Variants in SDK1 observed in about 807,000 individuals in gnomAD.
SDK1 encodes the protein sidekick cell adhesion molecule 1.
SDK1 carries 157 observed loss-of-function variants against 245.5 expected under a neutral mutation model. The ratio of observed to expected loss-of-function variants is 0.64; its 90% CI spans 0.56 to 0.73. The LOEUF (loss-of-function observed/expected upper bound fraction) is 0.73, where lower values mean the gene tolerates loss of function less well. SDK1 is among the 30% of genes least tolerant of loss of function. The pLI is 0.00. For missense variants in SDK1, 3,583 were observed against 3,002.3 expected, an observed-to-expected ratio of 1.19 and a Z score of -4.52; for synonymous variants, 1,647 against 1,278.5, an observed-to-expected ratio of 1.29 and a Z score of -6.15.
At chr7:3,812,617 A>G (rs948824514) in intron 4 of SDK1, among the ~76,000 whole-genome samples, 7 of 152,250 alleles carry the variant, frequency 4.6e-5, no homozygotes, top group Non-Finnish European at 1.5e-5. Flanking sequence ...TTTTCAAGGC[A>G]TGGGCCATTA....
chr7:3,937,094 G>A (rs919973265), intron 5 of SDK1, among the ~76,000 whole-genome samples: 1 of 152,152 alleles, frequency 6.6e-6, no homozygotes, highest in African/African-American at 2.4e-5. Flanking sequence ...TGCCCCAGGA[G>A]CACGGCAGTT....
intron 2 of SDK1, among the ~76,000 whole-genome samples, chr7:3,638,392 C>A (rs183863871): frequency 2.0e-5 from 3 of 152,036 alleles, no homozygotes; most frequent in Admixed American, 6.6e-5. Flanking sequence ...CCCAAATGTC[C>A]CACAGTGATA....
Position 3,584,273 on chromosome 7 carries a change from A to C in SDK1, c.299-34807A>C, listed in dbSNP as rs554920026. Among the ~76,000 whole-genome samples the C allele has an allele frequency of 2.0e-5, 3 of 152,216 alleles. No homozygotes were observed. In the East Asian group the frequency reaches 5.8e-4, roughly 29 times the overall value. ...CCAAACGTATTTGACCATGAGATCT[A>C]TTTGAATACAAACCTAATGCACCTC... On this transcript the variant is annotated intron_variant, in intron 1 of 44. Coordinates refer to ENST00000404826, the MANE Select transcript of SDK1 (RefSeq NM_152744.4).
At chr7:3,960,769 A>G (rs1781614562) in intron 8 of SDK1, among the ~76,000 whole-genome samples, 1 of 152,216 alleles carries the variant, frequency 6.6e-6, no homozygotes, top group South Asian at 2.1e-4. Context: ...GTGTGAGAGA[A>G]GAGTAAGACG....
At chr7:3,757,960 C>G (rs1048802919) in intron 4 of SDK1, among the ~76,000 whole-genome samples, 1 of 152,116 alleles carries the variant, frequency 6.6e-6, no homozygotes, top group African/African-American at 2.4e-5. Context: ...TCCTATAACC[C>G]TTATCACTCA....
chr7:3,926,394 T>C (rs1038451014), intron 5 of SDK1, among the ~76,000 whole-genome samples: 9 of 152,346 alleles, frequency 5.9e-5, no homozygotes, highest in African/African-American at 2.2e-4. Flanking sequence ...TATCAGCTGT[T>C]ACATTTGTTT....
chr7:4,023,230 C>T (rs777542290), intron 17 of SDK1, among the ~76,000 whole-genome samples: 3 of 152,050 alleles, frequency 2.0e-5, no homozygotes, highest in Non-Finnish European at 2.9e-5. Flanking sequence ...TTTTCTTATC[C>T]CCCTTCATCC....
rs111640354 is a variant in SDK1 at position 4,129,674 on chromosome 7, C to T, written c.3940-234C>T. On this transcript the variant is annotated intron_variant, in intron 26 of 44. Transcript: ENST00000404826. ...GCAGATTATGACCAGGCAGCAGGCT[C>T]GCCAAGCCGTGGGCACTAACTCAAG... 6,101 of 1,385,388 alleles carry T rather than the reference C, an allele frequency of 4.4e-3. 214 individuals are homozygous for T. The African/African-American group carries it at 0.078, about 18-fold the overall frequency. 85.8% of individuals were successfully genotyped at this position (1,385,388 alleles called of 1,614,324 possible). A position where few individuals can be genotyped will look rare whatever the true frequency, so the allele number is the denominator to read the frequency against.
chr7:3,382,826 A>G (rs1781520147), intron 1 of SDK1, among the ~76,000 whole-genome samples: 1 of 152,188 alleles, frequency 6.6e-6, no homozygotes, highest in Non-Finnish European at 1.5e-5. Context: ...ATTGAGTGGT[A>G]GTCCCCCAAG....
chr7:4,257,448 A>T (rs1005731784), intron 44 of SDK1, among the ~76,000 whole-genome samples: 1 of 152,202 alleles, frequency 6.6e-6, no homozygotes, highest in African/African-American at 2.4e-5. Flanking sequence ...ACTAAAATAC[A>T]TCCCCATTAA....
At chr7:3,320,870 G>C (rs1166537581) in intron 1 of SDK1, among the ~76,000 whole-genome samples, 1 of 151,276 alleles carries the variant, frequency 6.6e-6, no homozygotes, top group South Asian at 2.1e-4. Flanking sequence ...AAATTAGTAT[G>C]TTGGTACTGT....
In SDK1 at chr7:3,439,422, A is replaced by G. The variant is rs115621214; in HGVS notation, c.298+137538A>G. On this transcript the variant is annotated intron_variant, in intron 1 of 44. Coordinates refer to ENST00000404826, the MANE Select transcript of SDK1 (RefSeq NM_152744.4). Reference sequence around the variant, plus strand: ...TGCGCTCCTTACAAGCCTCTAGAGCACTAGTGAAGAGTAATGTTAGATTGT... The same window carrying G: ...TGCGCTCCTTACAAGCCTCTAGAGCGCTAGTGAAGAGTAATGTTAGATTGT... 2.4e-3 allele frequency among the ~76,000 whole-genome samples: 367 copies of G among 152,264 alleles called. 2 individuals are homozygous for G. The highest frequency in any genetic ancestry group is 8.3e-3 in the African/African-American group (345 of 41,548).
chr7:3,461,983 A>G (rs537983541), intron 1 of SDK1, among the ~76,000 whole-genome samples: 13 of 152,270 alleles, frequency 8.5e-5, no homozygotes, highest in African/African-American at 3.1e-4. Flanking sequence ...ATTAAAAAAG[A>G]ACCACGACCT....
intron 40 of SDK1, among the ~76,000 whole-genome samples, chr7:4,228,854 C>T (rs374726623): frequency 3.9e-5 from 6 of 152,270 alleles, no homozygotes; most frequent in East Asian, 1.9e-4. Context: ...TTTCCTACAA[C>T]GGCAACACAG....
At chr7:3,387,665 A>G (rs758016025) in intron 1 of SDK1, among the ~76,000 whole-genome samples, 1 of 152,202 alleles carries the variant, frequency 6.6e-6, no homozygotes, top group Non-Finnish European at 1.5e-5. Flanking sequence ...TGATTACACA[A>G]CGATGTGAAT....
chr7:3,565,646 A>G (rs1779888876), intron 1 of SDK1, among the ~76,000 whole-genome samples: 1 of 152,206 alleles, frequency 6.6e-6, no homozygotes. Flanking sequence ...CTCAGATACC[A>G]CAATTCACAG....
At chr7:4,193,730 A>ACT (rs781130973) in intron 35 of SDK1, among the ~76,000 whole-genome samples, 4 of 151,730 alleles carry the variant, frequency 2.6e-5, no homozygotes, top group Non-Finnish European at 2.9e-5. Flanking sequence ...AGGAGTGAAG[A>ACT]CTCTCACTCA....
At position 3,951,656 on chromosome 7, in the gene SDK1, G is replaced by A. The variant is rs543678970; in HGVS notation, c.960-74G>A. The A allele has an allele frequency of 5.5e-5, 75 of 1,369,660 alleles. No homozygotes were observed. In the East Asian group the frequency reaches 1.1e-3, roughly 19 times the overall value. The allele number at this position is 1,369,660 out of a possible 1,614,324, so 84.8% of individuals were successfully genotyped here. The stretch of plus-strand genomic sequence containing the variant: ...GCATTAGCTTCGTCAAGCCTGTGCC[G>A]AGTGCCTGAGATGATGACCGTTGCC... On this transcript the variant is annotated intron_variant, in intron 6 of 44. Coordinates refer to ENST00000404826, the MANE Select transcript of SDK1 (RefSeq NM_152744.4).
rs1308734258 is a variant in SDK1 at position 4,267,798 on chromosome 7, G to A, written c.*2414G>A. 6 of 985,500 alleles carry A rather than the reference G, an allele frequency of 6.1e-6. No homozygotes were observed. Among genetic ancestry groups the A allele is most frequent in the Non-Finnish European group, 7.2e-6 (6 of 830,090 alleles). 61.0% of individuals were successfully genotyped at this position (985,500 alleles called of 1,614,324 possible). A position where few individuals can be genotyped will look rare whatever the true frequency, so the allele number is the denominator to read the frequency against. On this transcript the variant is annotated 3_prime_UTR_variant, in exon 45 of 45. Transcript: ENST00000404826. ...CTCTTAGTAAACCTTGATCTGTACG[G>A]AGCGGCCTGTCCGAGGCTACGCCGG...
Sources: gnomAD v4.1 joint callset for allele counts (sites outside exome capture counted in the v4.1 genomes callset) on GRCh38, gnomAD v4.1.1 for gene constraint, MANE v1.5 for transcripts, NCBI Gene and HGNC (gene_info 2026-07-23, HGNC 2026-07-21) for gene names.